Variants in CATSPERB observed in about 807,000 individuals in gnomAD.
CATSPERB encodes the protein cation channel sperm-associated auxiliary subunit beta.
Under a neutral mutation model 128.3 loss-of-function variants are expected in CATSPERB, and 93 were observed. The ratio of observed to expected loss-of-function variants is 0.72; its 90% confidence interval spans 0.61 to 0.86. The LOEUF is 0.86. Among genes scored for constraint, CATSPERB ranks in the 40% least tolerant of loss-of-function variants. The pLI is 0.00. For missense variants in CATSPERB, 1,153 were observed against 1,329.5 expected (o/e 0.87, Z 2.06); for synonymous variants, 381 against 448.8 (o/e 0.85, Z 1.91).
intron 7 of CATSPERB, among the ~76,000 whole-genome samples, chr14:91,695,707 C>T (rs552698002): frequency 1.2e-3 from 188 of 152,220 alleles, no homozygotes; most frequent in Non-Finnish European, 2.4e-3. Context: ...GTGATGTGAT[C>T]TGGTTTATAC....
At chr14:91,709,522 T>TATAAAAAAAA (rs1895795997) in intron 5 of CATSPERB, 1 of 6,416 alleles carries the variant, frequency 1.6e-4, no homozygotes, top group African/African-American at 4.1e-4. Flanking sequence ...CTACTAAAAA[T>TATAAAAAAAA]ACAAAAAAAA....
chr14:91,673,154 T>C lies in CATSPERB; in HGVS notation c.979-138A>G. ...AACATAGAAATTAACCTTCCCTCCC[T>C]GGTCTTAAAACCCACTGGTCTTTAA... On this transcript the variant is annotated intron_variant, in intron 12 of 26. Coordinates refer to ENST00000256343, the MANE Select transcript of CATSPERB (RefSeq NM_024764.4). 3 of 742,862 alleles carry C rather than the reference T, an allele frequency of 4.0e-6. No individual in the cohort carries two copies. The South Asian group carries it at 6.7e-5, about 17-fold the overall frequency. 46.0% of individuals were successfully genotyped at this position (742,862 alleles called of 1,614,324 possible). A position where few individuals can be genotyped will look rare whatever the true frequency, so the allele number is the denominator to read the frequency against.
At chr14:91,603,533 T>G in intron 22 of CATSPERB, 3 of 812,992 alleles carry the variant, frequency 3.7e-6, no homozygotes, top group Non-Finnish European at 6.3e-6. Flanking sequence ...AAGGAAGGGG[T>G]GCAGGCAGAG....
chr14:91,652,401 G>C (rs1234936593), intron 15 of CATSPERB, among the ~76,000 whole-genome samples: 1 of 151,710 alleles, frequency 6.6e-6, no homozygotes, highest in East Asian at 1.9e-4. Flanking sequence ...GCTCATGCCT[G>C]TAATCCCAAC....
At chr14:91,624,764 A>G in intron 18 of CATSPERB, 56 bp downstream of exon 18, 1 of 1,326,226 alleles carries the variant, frequency 7.5e-7, no homozygotes. Context: ...CCTTCACAAA[A>G]GATAATTTTT....
intron 6 of CATSPERB, among the ~76,000 whole-genome samples, chr14:91,706,358 G>T (rs1895731876): frequency 6.6e-6 from 1 of 152,168 alleles, no homozygotes; most frequent in Non-Finnish European, 1.5e-5. Flanking sequence ...TTCACACCCA[G>T]GTCAGGGAGA....
At chr14:91,696,295 A>G (rs1380963585) in intron 7 of CATSPERB, among the ~76,000 whole-genome samples, 1 of 152,244 alleles carries the variant, frequency 6.6e-6, no homozygotes, top group Non-Finnish European at 1.5e-5. Flanking sequence ...CTAGAAAACT[A>G]AAGAGTGACC....
chr14:91,582,465 C>T (rs1031563953), intron 26 of CATSPERB, among the ~76,000 whole-genome samples: 13 of 152,184 alleles, frequency 8.5e-5, no homozygotes, highest in East Asian at 1.9e-4. Flanking sequence ...GGTGGGTCGC[C>T]GGTGAAACCT....
intron 11 of CATSPERB, among the ~76,000 whole-genome samples, chr14:91,682,692 A>T (rs1895303520): frequency 6.6e-6 from 1 of 152,168 alleles, no homozygotes; most frequent in Admixed American, 6.5e-5. Context: ...CAAACGCCAG[A>T]CACCACTGTC....
At chr14:91,663,198 A>C (rs1360880449) in intron 14 of CATSPERB, among the ~76,000 whole-genome samples, 1 of 152,116 alleles carries the variant, frequency 6.6e-6, no homozygotes, top group Admixed American at 6.5e-5. Flanking sequence ...CGGGGACCTA[A>C]CCAAATAAGA....
chr14:91,616,155 G>C (rs1421763235), intron 20 of CATSPERB, among the ~76,000 whole-genome samples: 3 of 152,000 alleles, frequency 2.0e-5, no homozygotes, highest in African/African-American at 7.2e-5. Context: ...TGCTGGGATT[G>C]CAGGCGTGAG....
At chr14:91,715,605 T>C (rs1895925841) in intron 5 of CATSPERB, among the ~76,000 whole-genome samples, 1 of 148,012 alleles carries the variant, frequency 6.8e-6, no homozygotes. Context: ...AACTGATCTA[T>C]AGATTCAATG....
At chr14:91,686,776 T>A (rs1046394826) in intron 10 of CATSPERB, among the ~76,000 whole-genome samples, 1 of 152,220 alleles carries the variant, frequency 6.6e-6, no homozygotes, top group Non-Finnish European at 1.5e-5. Flanking sequence ...TCTATATGTC[T>A]GGACACATAA....
At chr14:91,625,631 A>G (rs968782779) in intron 17 of CATSPERB, among the ~76,000 whole-genome samples, 1 of 152,204 alleles carries the variant, frequency 6.6e-6, no homozygotes, top group Admixed American at 6.5e-5. Flanking sequence ...AAATGCATAT[A>G]AAAAGGACTA....
chr14:91,672,275 T>C (rs1322728488), intron 13 of CATSPERB, among the ~76,000 whole-genome samples: 1 of 152,214 alleles, frequency 6.6e-6, no homozygotes, highest in East Asian at 1.9e-4. Flanking sequence ...GTTTGTTTGT[T>C]TTTTTGTTTG....
chr14:91,711,445 G>T (rs1425895168), intron 5 of CATSPERB, among the ~76,000 whole-genome samples: 12 of 152,104 alleles, frequency 7.9e-5, no homozygotes, highest in Non-Finnish European at 1.6e-4. Context: ...TGGCCAGGCT[G>T]GTCTTGAACT....
intron 20 of CATSPERB, among the ~76,000 whole-genome samples, chr14:91,614,417 C>A (rs943172130): frequency 6.6e-6 from 1 of 152,174 alleles, no homozygotes; most frequent in Non-Finnish European, 1.5e-5. Flanking sequence ...AATCTTAGCA[C>A]TTTGGGAGGC....
At chr14:91,699,672 C>T (rs756284229) in intron 7 of CATSPERB, among the ~76,000 whole-genome samples, 1 of 151,182 alleles carries the variant, frequency 6.6e-6, no homozygotes, top group Non-Finnish European at 1.5e-5. Context: ...CTCCCGGGTT[C>T]AAGAGATTCT....
At chr14:91,616,727 A>AG (rs1893942441) in intron 20 of CATSPERB, among the ~76,000 whole-genome samples, 1 of 91,050 alleles carries the variant, frequency 1.1e-5, no homozygotes, top group South Asian at 4.2e-4. Context: ...TATTTAAAGT[A>AG]TTCCCCTTTT....
Sources: allele counts gnomAD v4.1 joint callset (sites outside exome capture counted in the v4.1 genomes callset), GRCh38; gene constraint gnomAD v4.1.1; transcripts MANE v1.5; gene names NCBI Gene and HGNC (gene_info 2026-07-23, HGNC 2026-07-21).